Variants in MGST1 observed in about 807,000 individuals in gnomAD.
MGST1 encodes glutathione S-transferase 12.
A neutral mutation model predicts 8.9 loss-of-function variants in MGST1; 5 were observed. The observed-to-expected ratio is 0.56, with a 90% CI of 0.29 to 1.19. The LOEUF (loss-of-function observed/expected upper bound fraction) is 1.19, where lower values mean the gene tolerates loss of function less well. Among genes scored for constraint, MGST1 ranks in the 50% most tolerant of loss-of-function variants. The pLI, the probability that MGST1 is intolerant of heterozygous loss-of-function variation, is 0.08. For missense variants in MGST1, 182 were observed against 187.4 expected (o/e 0.97, Z 0.17); for synonymous variants, 54 against 67.8 (o/e 0.80, Z 1.00).
Position 16,458,924 on chromosome 12 carries a change from T to C in MGST1, n.482+75320T>C, listed in dbSNP as rs1941198816. 6.6e-6 allele frequency among the ~76,000 whole-genome samples: 1 copy of C among 152,026 alleles called. No homozygotes were observed. The highest frequency in any genetic ancestry group is 6.6e-5 in the Admixed American group (1 of 15,236). On this transcript the variant is annotated intron_variant and non_coding_transcript_variant, in intron 4 of 4. Coordinates refer to the MGST1 transcript ENST00000538857. The surrounding 1 kb of genome is among the most constrained non-coding windows in gnomAD (Gnocchi z 4.0). The stretch of plus-strand genomic sequence containing the variant: ...TCCTGCTGAGCTGAGAGCAGGGAAT[T>C]CTTACAGAAATCTAAGTAGTTCCAA...
At position 16,413,746 on chromosome 12, in the gene MGST1, G is replaced by A. The variant is rs1940761696; in HGVS notation, n.779-23642G>A. Among the ~76,000 whole-genome samples, 1 of 152,010 alleles carries A rather than the reference G, an allele frequency of 6.6e-6. No homozygotes were observed. The highest frequency in any genetic ancestry group is 1.5e-5 in the Non-Finnish European group (1 of 67,998). ...ATTCTAGCATTTGTCATAGTATGCT[G>A]CCAGTATTTGTTTACATTTGTTTCC... On this transcript the variant is annotated intron_variant and non_coding_transcript_variant, in intron 1 of 1. Transcript: ENST00000359720. The surrounding 1 kb of genome is among the most constrained non-coding windows in gnomAD (Gnocchi z 4.0).
In MGST1 at chr12:16,584,476, A is replaced by G. The variant is rs890880628; in HGVS notation, n.483-5052A>G. Among the ~76,000 whole-genome samples, 1 of 152,172 alleles carries G rather than the reference A, an allele frequency of 6.6e-6. No individual in the cohort carries two copies. The highest frequency in any genetic ancestry group is 1.5e-5 in the Non-Finnish European group (1 of 68,032). ...ATTGACAAGGACATGAGGTTTCTGGAGGACCCAGTGGAAAAGTGTTGAGTG... is the reference window on the plus strand; with the variant it reads ...ATTGACAAGGACATGAGGTTTCTGGGGGACCCAGTGGAAAAGTGTTGAGTG... On this transcript the variant is annotated intron_variant and non_coding_transcript_variant, in intron 4 of 4. Coordinates refer to the MGST1 transcript ENST00000538857. The surrounding 1 kb of genome is among the most constrained non-coding windows in gnomAD (Gnocchi z 5.2).
At chr12:16,353,598 C>G (rs1939572230) in intron 1 of MGST1, 1 of 152,082 alleles carries the variant, frequency 6.6e-6, no homozygotes, top group South Asian at 2.1e-4. Flanking sequence ...TTTCAACCTA[C>G]TTATAGTTAA....
chr12:16,376,209 C>G, exon 4 of MGST1: 1 of 805,414 alleles, frequency 1.2e-6, no homozygotes, highest in Non-Finnish European at 1.9e-6. Context: ...AGAAATGTTT[C>G]CTTGTAGAAG....
At position 16,413,188 on chromosome 12, in the gene MGST1, C is replaced by T. The variant is rs1011083790; in HGVS notation, n.779-24200C>T. On this transcript the variant is annotated intron_variant and non_coding_transcript_variant, in intron 1 of 1. Transcript: ENST00000359720. This position sits in a 1 kb window ranked among gnomAD's most constrained non-coding sequence, Gnocchi z 4.0. ...AGAGAACCACTATCACTGACTTTCT[C>T]GAGCCCTATTTGGCTCTGCAGGAGC... Among the ~76,000 whole-genome samples, 13 of 152,264 alleles carry T rather than the reference C, an allele frequency of 8.5e-5. No homozygotes were observed. Among genetic ancestry groups the T allele is most frequent in the African/African-American group, 3.1e-4 (13 of 41,560 alleles).
intron 4 of MGST1, among the ~76,000 whole-genome samples, chr12:16,446,402 A>G (rs1941079867): frequency 6.6e-6 from 1 of 151,904 alleles, no homozygotes; most frequent in Non-Finnish European, 1.5e-5. Flanking sequence ...TGGAGAAATG[A>G]CCATGACTTT....
chr12:16,470,667 G>C (rs974074032), intron 4 of MGST1, among the ~76,000 whole-genome samples: 4 of 152,078 alleles, frequency 2.6e-5, no homozygotes, highest in Non-Finnish European at 5.9e-5. Flanking sequence ...ATTTTGAAGA[G>C]CTAATTGAAT....
chr12:16,483,213 GA>G (rs1241921530), intron 4 of MGST1, among the ~76,000 whole-genome samples: 1 of 152,064 alleles, frequency 6.6e-6, no homozygotes, highest in Non-Finnish European at 1.5e-5. Context: ...TTCATTAAGA[GA>G]TTTTTTCAAG....
At chr12:16,425,610 A>G (rs1004211079) in intron 1 of MGST1, among the ~76,000 whole-genome samples, 1 of 152,100 alleles carries the variant, frequency 6.6e-6, no homozygotes, top group African/African-American at 2.4e-5. Flanking sequence ...TTCTTAAACT[A>G]TGGGGCACCA....
chr12:16,464,148 A>G (rs868532976), intron 4 of MGST1, among the ~76,000 whole-genome samples: 1 of 152,266 alleles, frequency 6.6e-6, no homozygotes, highest in Non-Finnish European at 1.5e-5. Context: ...AATAATTTAC[A>G]TAAAAGATTG....
At chr12:16,520,328 TAA>T (rs1941640787) in intron 4 of MGST1, among the ~76,000 whole-genome samples, 1 of 152,088 alleles carries the variant, frequency 6.6e-6, no homozygotes, top group South Asian at 2.1e-4. Flanking sequence ...CAAAAAACAC[TAA>T]GAGACAGACT....
At chr12:16,527,596 A>G (rs1318667378) in intron 4 of MGST1, among the ~76,000 whole-genome samples, 1 of 151,982 alleles carries the variant, frequency 6.6e-6, no homozygotes, top group Non-Finnish European at 1.5e-5. Flanking sequence ...CTAAAATGGT[A>G]TAAAAGGTAT....
intron 1 of MGST1, among the ~76,000 whole-genome samples, chr12:16,397,733 T>C (rs745741711): frequency 9.3e-5 from 14 of 150,828 alleles, no homozygotes; most frequent in Non-Finnish European, 1.8e-4. Flanking sequence ...TCTTTATATA[T>C]ATTTGGGCAT....
intron 4 of MGST1, among the ~76,000 whole-genome samples, chr12:16,469,099 G>A (rs932494262): frequency 6.6e-6 from 1 of 151,778 alleles, no homozygotes; most frequent in Non-Finnish European, 1.5e-5. Context: ...TTATTTGAGT[G>A]AGATTGCATT....
chr12:16,504,645 T>C (rs1034022326), intron 4 of MGST1, among the ~76,000 whole-genome samples: 1 of 152,158 alleles, frequency 6.6e-6, no homozygotes, highest in Non-Finnish European at 1.5e-5. Context: ...AGTAAAAATG[T>C]CAGAATTTCC....
At chr12:16,479,222 T>G (rs1218210062) in intron 4 of MGST1, among the ~76,000 whole-genome samples, 1 of 148,554 alleles carries the variant, frequency 6.7e-6, no homozygotes, top group Admixed American at 6.9e-5. Flanking sequence ...AACGTATTTT[T>G]AATAGACTGT....
At chr12:16,507,976 AATT>A (rs1263688770) in intron 4 of MGST1, among the ~76,000 whole-genome samples, 1 of 152,130 alleles carries the variant, frequency 6.6e-6, no homozygotes, top group African/African-American at 2.4e-5. Flanking sequence ...AGCCACATCA[AATT>A]ATGTCCCTTT....
In MGST1 at chr12:16,586,012, G is replaced by A. The variant is rs981857888; in HGVS notation, n.483-3516G>A. On this transcript the variant is annotated intron_variant and non_coding_transcript_variant, in intron 4 of 4. Coordinates refer to the MGST1 transcript ENST00000538857. This position sits in a 1 kb window ranked among gnomAD's most constrained non-coding sequence, Gnocchi z 4.3. ...TCCCCAATAGCATCCTTAGGACACT[G>A]ATGTTTTTGCAGCTGTTAATGAAAA... 1.3e-5 allele frequency among the ~76,000 whole-genome samples: 2 copies of A among 152,098 alleles called. No homozygotes were observed. The highest frequency in any genetic ancestry group is 4.8e-5 in the African/African-American group (2 of 41,424).
intron 4 of MGST1, among the ~76,000 whole-genome samples, chr12:16,556,338 T>G (rs1396804890): frequency 1.3e-5 from 2 of 152,148 alleles, no homozygotes; most frequent in African/African-American, 4.8e-5. Flanking sequence ...GCGGTACCTT[T>G]TAAAATAGAG....
Sources: gnomAD v4.1 joint callset for allele counts (sites outside exome capture counted in the v4.1 genomes callset) on GRCh38, gnomAD v4.1.1 for gene constraint, Gnocchi (gnomAD v3.1) non-coding constraint, MANE v1.5 for transcripts, NCBI Gene and HGNC (gene_info 2026-07-23, HGNC 2026-07-21) for gene names.